Variants in CNTNAP2 observed in about 807,000 individuals in gnomAD.
CNTNAP2 encodes the protein contactin associated protein 2.
A neutral mutation model predicts 155.2 loss-of-function variants in CNTNAP2; 98 were observed. The ratio of observed to expected loss-of-function variants is 0.63; its 90% CI spans 0.54 to 0.75. The LOEUF (loss-of-function observed/expected upper bound fraction) is 0.75, where lower values mean the gene tolerates loss of function less well. CNTNAP2 is among the 30% of genes least tolerant of loss of function. The pLI, the probability that CNTNAP2 is intolerant of heterozygous loss-of-function variation, is 0.00. For synonymous variants in CNTNAP2, 651 were observed against 631.2 expected (o/e 1.03, Z -0.47); for missense variants, 1,727 against 1,688.1 (o/e 1.02, Z -0.40).
intron 3 of CNTNAP2, among the ~76,000 whole-genome samples, chr7:147,000,951 A>G (rs1798410724): frequency 6.6e-6 from 1 of 152,100 alleles, no homozygotes; most frequent in Non-Finnish European, 1.5e-5. Flanking sequence ...GGATCAGGCT[A>G]CAGATACCAG....
intron 8 of CNTNAP2, among the ~76,000 whole-genome samples, chr7:147,172,271 G>T (rs191767014): frequency 6.6e-6 from 1 of 152,146 alleles, no homozygotes; most frequent in East Asian, 1.9e-4. Flanking sequence ...TCCATGAAAG[G>T]TTACCTAAAT....
At chr7:147,123,865 AC>A (rs1801170660) in intron 6 of CNTNAP2, among the ~76,000 whole-genome samples, 3 of 151,662 alleles carry the variant, frequency 2.0e-5, no homozygotes, top group Admixed American at 1.3e-4. Context: ...ATGTGGTGAA[AC>A]CCCCGTCTCC....
At chr7:148,384,528 G>C (rs1459659090) in intron 22 of CNTNAP2, among the ~76,000 whole-genome samples, 1 of 152,174 alleles carries the variant, frequency 6.6e-6, no homozygotes, top group African/African-American at 2.4e-5. Context: ...TATCTCAGGA[G>C]ACTTAGGTCG....
intron 21 of CNTNAP2, among the ~76,000 whole-genome samples, chr7:148,366,427 A>G (rs1798783205): frequency 2.0e-5 from 3 of 152,154 alleles, no homozygotes; most frequent in African/African-American, 7.2e-5. Flanking sequence ...ACCACCTGGC[A>G]TACAATAGAT....
intron 13 of CNTNAP2, among the ~76,000 whole-genome samples, chr7:147,780,833 TG>T (rs1230128474): frequency 6.6e-6 from 1 of 152,210 alleles, no homozygotes; most frequent in Non-Finnish European, 1.5e-5. Flanking sequence ...GGAAGTGTTT[TG>T]TTTGTTTGTT....
intron 3 of CNTNAP2, among the ~76,000 whole-genome samples, chr7:146,972,179 A>G (rs1330324693): frequency 6.6e-6 from 1 of 152,202 alleles, no homozygotes; most frequent in East Asian, 1.9e-4. Context: ...CACACAGCAT[A>G]TTTAAACACA....
intron 13 of CNTNAP2, among the ~76,000 whole-genome samples, chr7:147,884,955 C>T (rs1799580758): frequency 6.6e-6 from 1 of 152,186 alleles, no homozygotes; most frequent in Admixed American, 6.5e-5. Flanking sequence ...TGATATGAGA[C>T]CTCAGGTTTT....
intron 1 of CNTNAP2, among the ~76,000 whole-genome samples, chr7:146,359,796 GTGTGTGTGCGTGCGTGCGCATGCA>G (rs1186102375): frequency 6.6e-6 from 1 of 152,070 alleles, no homozygotes. Flanking sequence ...GTGTGTATGT[GTGTGTGTGCGTGCGTGCGCATGCA>G]TGTGTGGGCG....
intron 1 of CNTNAP2, among the ~76,000 whole-genome samples, chr7:146,143,604 A>T (rs1171465152): frequency 6.6e-6 from 1 of 152,064 alleles, no homozygotes; most frequent in African/African-American, 2.4e-5. Flanking sequence ...TGTGGTATTG[A>T]AATACTATGT....
chr7:146,190,157 G>C lies in CNTNAP2; in HGVS notation c.97+73184G>C, dbSNP rs562406124. 7.2e-5 allele frequency among the ~76,000 whole-genome samples: 11 copies of C among 152,304 alleles called. No individual in the cohort carries two copies. The South Asian group carries it at 1.5e-3, about 20-fold the overall frequency. ...CCCAGGAAAATGATGCAAACCTCAT[G>C]CGTTCGTTTGTTAATTAGGAGACTG... On this transcript the variant is annotated intron_variant, in intron 1 of 23. Coordinates refer to ENST00000361727, the MANE Select transcript of CNTNAP2 (RefSeq NM_014141.6).
rs554972339 is a variant in CNTNAP2, at chr7:148,177,649, C to A, written c.3010+5171C>A. On this transcript the variant is annotated intron_variant, in intron 18 of 23. Transcript: ENST00000361727. The stretch of plus-strand genomic sequence containing the variant: ...AGCATCGTTTAATCCTCACCACAAC[C>A]TGGTGAAATGATTGCTATTACTAGT... Among the ~76,000 whole-genome samples the A allele has an allele frequency of 4.6e-5, 7 of 152,290 alleles. No individual in the cohort carries two copies. The East Asian group carries it at 1.4e-3, about 29-fold the overall frequency.
chr7:146,689,736 A>T (rs1436131933), intron 1 of CNTNAP2, among the ~76,000 whole-genome samples: 8 of 152,174 alleles, frequency 5.3e-5, no homozygotes, highest in Non-Finnish European at 1.2e-4. Flanking sequence ...ACACTGAAGA[A>T]TATATTTGGT....
intron 1 of CNTNAP2, among the ~76,000 whole-genome samples, chr7:146,714,279 G>A (rs1585054063): frequency 6.6e-6 from 1 of 152,282 alleles, no homozygotes; most frequent in East Asian, 1.9e-4. Flanking sequence ...ACTGTTGCTA[G>A]AACGTATTTG....
At chr7:146,134,444 T>A (rs1347221835) in intron 1 of CNTNAP2, among the ~76,000 whole-genome samples, 8 of 151,054 alleles carry the variant, frequency 5.3e-5, no homozygotes, top group Admixed American at 5.3e-4. Context: ...CTTCCAACAC[T>A]ATGTTGAATA....
chr7:148,066,560 C>A (rs1278105609), intron 15 of CNTNAP2, among the ~76,000 whole-genome samples: 1 of 151,880 alleles, frequency 6.6e-6, no homozygotes, highest in African/African-American at 2.4e-5. Flanking sequence ...TGCAGTGGTG[C>A]TATCTCGGCT....
intron 3 of CNTNAP2, among the ~76,000 whole-genome samples, chr7:147,018,050 T>C (rs896330092): frequency 2.0e-5 from 3 of 152,092 alleles, no homozygotes; most frequent in Admixed American, 6.6e-5. Flanking sequence ...TTCTATTCAA[T>C]GATAAAAGAA....
chr7:147,603,459 C>A (rs1800997847), intron 12 of CNTNAP2, among the ~76,000 whole-genome samples: 1 of 152,112 alleles, frequency 6.6e-6, no homozygotes, highest in African/African-American at 2.4e-5. Context: ...CATGAGTGAA[C>A]TCCCATTCAC....
intron 13 of CNTNAP2, among the ~76,000 whole-genome samples, chr7:147,794,764 A>G (rs1584958586): frequency 1.3e-5 from 2 of 151,456 alleles, no homozygotes; most frequent in South Asian, 2.1e-4. Flanking sequence ...AATTAATTCA[A>G]TCTTATTTGT....
chr7:147,719,570 A>G (rs2117025763), intron 13 of CNTNAP2, among the ~76,000 whole-genome samples: 1 of 152,230 alleles, frequency 6.6e-6, no homozygotes, highest in East Asian at 1.9e-4. Flanking sequence ...AGCAAATTAA[A>G]ATGTTTTACA....
Sources: allele counts gnomAD v4.1 joint callset (sites outside exome capture counted in the v4.1 genomes callset), GRCh38; gene constraint gnomAD v4.1.1; transcripts MANE v1.5; gene names NCBI Gene and HGNC (gene_info 2026-07-23, HGNC 2026-07-21).